TGFA: variants seen among roughly 807,000 people sequenced by gnomAD.
The protein encoded by TGFA is protransforming growth factor alpha.
Under a neutral mutation model 21.7 loss-of-function variants are expected in TGFA, and 12 were observed. That is an observed-to-expected ratio of 0.55 (90% CI 0.35 to 0.90). The LOEUF is 0.90. Among genes scored for constraint, TGFA ranks in the 40% least tolerant of loss-of-function variants. The probability of loss-of-function intolerance (pLI) is 0.01; values close to 1 mark genes in which losing one functional copy is unlikely to be tolerated. For synonymous variants in TGFA, 79 were observed against 88.1 expected (o/e 0.90, Z 0.58); for missense variants, 178 against 210.8 (o/e 0.84, Z 0.96).
At chr2:70,462,907 A>G (rs1390984899) in intron 3 of TGFA, among the ~76,000 whole-genome samples, 1 of 152,124 alleles carries the variant, frequency 6.6e-6, no homozygotes, top group East Asian at 1.9e-4. Context: ...AAACTTGTTA[A>G]GAGTTTGTGG....
chr2:70,527,568 A>C (rs1179160247), intron 1 of TGFA, among the ~76,000 whole-genome samples: 2 of 152,248 alleles, frequency 1.3e-5, no homozygotes, highest in African/African-American at 4.8e-5. Flanking sequence ...TACAACTACA[A>C]GAGTGAGCCC....
intron 2 of TGFA, among the ~76,000 whole-genome samples, chr2:70,483,186 T>C (rs1195758157): frequency 6.6e-6 from 1 of 152,230 alleles, no homozygotes; most frequent in East Asian, 1.9e-4. Flanking sequence ...TCATCAGTCT[T>C]ACAACACTAA....
At chr2:70,550,446 T>A (rs1553506620) in intron 1 of TGFA, among the ~76,000 whole-genome samples, 2 of 151,646 alleles carry the variant, frequency 1.3e-5, no homozygotes, top group African/African-American at 4.8e-5. Context: ...TACAAAAAAT[T>A]TGCATAAAAA....
chr2:70,486,415 G>C (rs1357136844), intron 2 of TGFA, among the ~76,000 whole-genome samples: 1 of 152,158 alleles, frequency 6.6e-6, no homozygotes, highest in Non-Finnish European at 1.5e-5. Flanking sequence ...ATTGCAACAA[G>C]ATCCTTATAA....
chr2:70,530,658 C>T (rs1672789239), intron 1 of TGFA, among the ~76,000 whole-genome samples: 2 of 152,182 alleles, frequency 1.3e-5, no homozygotes, highest in Admixed American at 1.3e-4. Context: ...GCATTAAATA[C>T]CCAGGAGAAA....
intron 2 of TGFA, among the ~76,000 whole-genome samples, chr2:70,510,353 C>T (rs1488915615): frequency 2.0e-5 from 3 of 152,176 alleles, no homozygotes; most frequent in Admixed American, 2.0e-4. Context: ...TTAGCATCAC[C>T]AATGGATCAG....
intron 2 of TGFA, among the ~76,000 whole-genome samples, chr2:70,513,813 G>A (rs1559128908): frequency 6.6e-6 from 1 of 152,170 alleles, no homozygotes; most frequent in Non-Finnish European, 1.5e-5. Context: ...TGGAGACACA[G>A]CAGGAGGCTA....
At chr2:70,481,687 C>T (rs782156830) in intron 2 of TGFA, among the ~76,000 whole-genome samples, 8 of 152,212 alleles carry the variant, frequency 5.3e-5, no homozygotes, top group Non-Finnish European at 1.0e-4. Flanking sequence ...GAGACTAGGT[C>T]ATAAAAGGCA....
intron 1 of TGFA, among the ~76,000 whole-genome samples, chr2:70,550,361 C>A (rs1322526218): frequency 2.0e-5 from 3 of 152,022 alleles, no homozygotes; most frequent in East Asian, 3.9e-4. Flanking sequence ...TTTTATTATT[C>A]CCACTTTACA....
intron 2 of TGFA, among the ~76,000 whole-genome samples, chr2:70,476,466 C>A (rs150404883): frequency 2.0e-5 from 3 of 152,302 alleles, no homozygotes; most frequent in Non-Finnish European, 4.4e-5. Context: ...GGCTACCTGC[C>A]TTTGCAGTCT....
intron 1 of TGFA, among the ~76,000 whole-genome samples, chr2:70,549,827 T>C (rs1263091802): frequency 6.6e-6 from 1 of 152,172 alleles, no homozygotes; most frequent in Non-Finnish European, 1.5e-5. Flanking sequence ...GCAGGGGACA[T>C]TGAGTATTTA....
intron 2 of TGFA, among the ~76,000 whole-genome samples, chr2:70,470,327 G>A (rs998179839): frequency 3.3e-5 from 5 of 152,166 alleles, no homozygotes; most frequent in Admixed American, 6.5e-5. Flanking sequence ...AAAATCACAC[G>A]CACATGCCAA....
chr2:70,472,026 A>G (rs1553493397), intron 2 of TGFA, among the ~76,000 whole-genome samples: 1 of 150,216 alleles, frequency 6.7e-6, no homozygotes, highest in Non-Finnish European at 1.5e-5. Context: ...TTTTTTCTCT[A>G]TCTCCCTTCA....
In TGFA at chr2:70,504,483, T is replaced by TACACAC. The variant is rs58997765; in HGVS notation, c.94+10370_94+10375dup. ...ATATATACACACATACATACATACATACACACACACACACACACACACACA... is the reference window on the plus strand; with the variant it reads ...ATATATACACACATACATACATACATACACACACACACACACACACACACACACACA... On this transcript the variant is annotated intron_variant, in intron 2 of 5. Transcript: ENST00000295400. Among the ~76,000 whole-genome samples the TACACAC allele has an allele frequency of 1.1e-3, 101 of 92,030 alleles. 1 individual carries two copies. The highest frequency in any genetic ancestry group is 3.1e-3 in the African/African-American group (70 of 22,790). The allele number at this position is 92,030 out of a possible 152,430, so 60.4% of individuals were successfully genotyped here. A position where few individuals can be genotyped will look rare whatever the true frequency, so the allele number is the denominator to read the frequency against.
rs35177436 is a variant in TGFA, at chr2:70,521,617, G to GTTTTTTTTTTT, written c.41-6716_41-6706dup. Among the ~76,000 whole-genome samples the GTTTTTTTTTTT allele has an allele frequency of 6.0e-4, 52 of 87,088 alleles. 3 individuals are homozygous for GTTTTTTTTTTT. Among genetic ancestry groups the GTTTTTTTTTTT allele is most frequent in the East Asian group, 1.5e-3 (4 of 2,652 alleles). The allele number at this position is 87,088 out of a possible 152,430, so 57.1% of individuals were successfully genotyped here. On this transcript the variant is annotated intron_variant, in intron 1 of 5. Transcript: ENST00000295400. Reference sequence around the variant, plus strand: ...TAGTTTTTTTTGTTGTTGTTTGTTTGTTTTTTTTTTTTTTTTTTTTTGAGT... The same window carrying GTTTTTTTTTTT: ...TAGTTTTTTTTGTTGTTGTTTGTTTGTTTTTTTTTTTTTTTTTTTTTTTTTTTTTTTTGAGT...
At chr2:70,494,819 G>T (rs1671533584) in intron 2 of TGFA, among the ~76,000 whole-genome samples, 1 of 151,964 alleles carries the variant, frequency 6.6e-6, no homozygotes, top group African/African-American at 2.4e-5. Flanking sequence ...TTCTCTTATT[G>T]ATGTGTTAAA....
In TGFA at chr2:70,450,680, C is replaced by T. The variant is rs11466282; in HGVS notation, c.*179G>A. On this transcript the variant is annotated 3_prime_UTR_variant, in exon 6 of 6. Transcript: ENST00000295400. ...TCTTCTCTAGGTCACACTGAATAAC[C>T]CCAAGCAGACGGAGTTCTTGACAGA... 2,226 of 653,184 alleles carry T rather than the reference C, an allele frequency of 3.4e-3. 36 individuals are homozygous for T. The African/African-American group carries it at 0.036, about 11-fold the overall frequency. The allele number at this position is 653,184 out of a possible 1,614,324, so 40.5% of individuals were successfully genotyped here.
At chr2:70,541,410 C>A (rs1418144675) in intron 1 of TGFA, among the ~76,000 whole-genome samples, 1 of 152,132 alleles carries the variant, frequency 6.6e-6, no homozygotes, top group East Asian at 1.9e-4. Context: ...ATATCTGTAT[C>A]CTTGCCCAGA....
At chr2:70,514,983 G>C in intron 1 of TGFA, 71 bp from the exon 2 acceptor site, 1 of 1,462,338 alleles carries the variant, frequency 6.8e-7, no homozygotes, top group East Asian at 2.3e-5. Flanking sequence ...ACGCTTAGAG[G>C]GCAGGCCCTT....
Sources: gnomAD v4.1 joint callset for allele counts (sites outside exome capture counted in the v4.1 genomes callset) on GRCh38, gnomAD v4.1.1 for gene constraint, MANE v1.5 for transcripts, NCBI Gene and HGNC (gene_info 2026-07-23, HGNC 2026-07-21) for gene names.